BRCA2: variants seen among roughly 807,000 people sequenced by gnomAD.
BRCA2 encodes the protein breast cancer type 2 susceptibility protein.
BRCA2 carries 203 observed loss-of-function variants against 276.7 expected under a neutral mutation model. That is an observed-to-expected ratio of 0.73 (90% CI 0.65 to 0.82). The LOEUF is 0.82. Among genes scored for constraint, BRCA2 ranks in the 40% least tolerant of loss-of-function variants. The pLI, the probability that BRCA2 is intolerant of heterozygous loss-of-function variation, is 0.00. For synonymous variants in BRCA2, 1,289 were observed against 1,338.4 expected, an observed-to-expected ratio of 0.96 and a Z score of 0.81; for missense variants, 3,920 against 3,915.0, an observed-to-expected ratio of 1.00 and a Z score of -0.03.
At chr13:32,320,084 T>C (rs777448795) in intron 3 of BRCA2, among the ~76,000 whole-genome samples, 2 of 152,138 alleles carry the variant, frequency 1.3e-5, no homozygotes, top group Non-Finnish European at 2.9e-5. Flanking sequence ...TGAGGAAGAA[T>C]ATGTAGTGTG....
chr13:32,341,327 G>A, intron 11 of BRCA2, 131 bp downstream of exon 11: 1 of 1,296,970 alleles, frequency 7.7e-7, no homozygotes, highest in Non-Finnish European at 1.1e-6. Context: ...TAGTCAGTTT[G>A]GGGGAGTATG....
rs1309458963 is a variant in BRCA2, at chr13:32,377,178, A to G, written c.8754+387A>G. ...GTTTCTCAAGTCCTTCCTGGAGTGT[A>G]CTTGATAATCCTCTACCCTAAGGGT... On this transcript the variant is annotated intron_variant, in intron 21 of 26. Transcript: ENST00000380152. 2.6e-5 allele frequency among the ~76,000 whole-genome samples: 4 copies of G among 152,146 alleles called. No homozygotes were observed. The East Asian group carries it at 7.7e-4, about 29-fold the overall frequency.
At chr13:32,334,675 G>GA (rs751202199) in intron 10 of BRCA2, among the ~76,000 whole-genome samples, 153 of 118,396 alleles carry the variant, frequency 1.3e-3, no homozygotes, top group Non-Finnish European at 1.7e-3. Context: ...CCTTGTCCCT[G>GA]AAAAAAAAAA....
At position 32,336,283 on chromosome 13, in the gene BRCA2, TG is replaced by T. The variant is rs80359316; in HGVS notation, c.1929del (p.Arg645GlufsTer15). On this transcript the variant is annotated frameshift_variant, in exon 11 of 27. Transcript: ENST00000380152. LOFTEE classifies it high-confidence loss of function. ...NADSGLLHSS[V>X]KRSCSQNDSE... is the part of the protein sequence containing the mutation. ...TGTTTAGGTTTATTGCATTCTTCTG[TG>T]AAAAGAAGCTGTTCACAGAATGATT... 7.5e-6 allele frequency: 12 copies of T among 1,603,410 alleles called. No homozygotes were observed. The highest frequency in any genetic ancestry group is 1.0e-5 in the Non-Finnish European group (12 of 1,176,162).
chr13:32,365,253 T>C (rs1450942910), intron 18 of BRCA2, among the ~76,000 whole-genome samples: 1 of 151,654 alleles, frequency 6.6e-6, no homozygotes, highest in African/African-American at 2.4e-5. Flanking sequence ...CCTCACGCTT[T>C]AGCCTCCGAG....
In BRCA2 at chr13:32,339,616, A is replaced by T. The variant is rs772772727; in HGVS notation, c.5261A>T (p.Asp1754Val). The stretch of plus-strand genomic sequence containing the variant: ...TCTAACAGCTATTCCTACCATTCTG[A>T]TGAGGTATATAATGATTCAGGATAT... ...SMSNSYSYHS[D>V]EVYNDSGYLS... is the part of the protein sequence containing the mutation. Residue 1754 changes from aspartate (D) to valine (V), a missense_variant, in exon 11 of 27, where the codon GAT (aspartate) becomes GTT (valine). Coordinates refer to ENST00000380152, the MANE Select transcript of BRCA2 (RefSeq NM_000059.4). 1 of 1,611,630 alleles carries T rather than the reference A, an allele frequency of 6.2e-7. No individual in the cohort carries two copies. Among genetic ancestry groups the T allele is most frequent in the South Asian group, 1.1e-5 (1 of 90,828 alleles).
chr13:32,316,455 G>A lies in BRCA2; in HGVS notation c.-6G>A, dbSNP rs1304649255. 3.1e-6 allele frequency: 5 copies of A among 1,612,888 alleles called. No individual in the cohort carries two copies. The highest frequency in any genetic ancestry group is 4.2e-6 in the Non-Finnish European group (5 of 1,179,062). ...ACCAAGCATTGGAGGAATATCGTAG[G>A]TAAAAATGCCTATTGGATCCAAAGA... On this transcript the variant is annotated 5_prime_UTR_variant, in exon 2 of 27. Transcript: ENST00000380152.
intron 12 of BRCA2, 97 bp downstream of exon 12, chr13:32,344,750 G>T (rs2072599923): frequency 1.1e-6 from 1 of 870,464 alleles, no homozygotes; most frequent in Admixed American, 2.1e-5. Context: ...AAAGTGCTGG[G>T]ATTACAGACA....
rs759091996 is a variant in BRCA2, at chr13:32,333,436, T to C, written c.1909+49T>C. On this transcript the variant is annotated intron_variant, in intron 10 of 26. Coordinates refer to ENST00000380152, the MANE Select transcript of BRCA2 (RefSeq NM_000059.4). ...TAAATAGTACATATAGTTTTATAGA[T>C]GACGATTCCTTCTGTGTTTTTTTCT... The C allele has an allele frequency of 4.5e-6, 7 of 1,562,360 alleles. No individual in the cohort carries two copies. The South Asian group carries it at 5.9e-5, about 13-fold the overall frequency.
intron 13 of BRCA2, among the ~76,000 whole-genome samples, chr13:32,350,423 CA>C (rs1317951215): frequency 6.6e-6 from 1 of 151,958 alleles, no homozygotes. Flanking sequence ...CAAGAGAAAG[CA>C]AAAGTTGTAA....
At chr13:32,333,443 T>G in intron 10 of BRCA2, 56 bp downstream of exon 10, 1 of 1,550,250 alleles carries the variant, frequency 6.5e-7, no homozygotes, top group Non-Finnish European at 8.8e-7. Flanking sequence ...AGATGACGAT[T>G]CCTTCTGTGT....
At position 32,366,836 on chromosome 13, in the gene BRCA2, ATATGCT is replaced by A. The variant is rs372498729; in HGVS notation, c.8331+3307_8331+3312del. On this transcript the variant is annotated intron_variant, in intron 18 of 26. Coordinates refer to ENST00000380152, the MANE Select transcript of BRCA2 (RefSeq NM_000059.4). ...GACCCTGTCTCAAAGAAAAAAAAAA[ATATGCT>A]TATTGGTTTCATCTATCAAAAAGAA... Among the ~76,000 whole-genome samples, 7 of 150,828 alleles carry A rather than the reference ATATGCT, an allele frequency of 4.6e-5. No individual in the cohort carries two copies. In the East Asian group the frequency reaches 1.4e-3, roughly 30 times the overall value.
At chr13:32,356,317 G>T (rs539985338) in intron 14 of BRCA2, 111 bp from the exon 15 acceptor site, 7 of 1,072,704 alleles carry the variant, frequency 6.5e-6, no homozygotes, top group East Asian at 2.5e-5. Flanking sequence ...TGATCTGCCC[G>T]CCTCAGCCTC....
chr13:32,363,157 G>A (rs2137579429), intron 17 of BRCA2, 22 bp from the exon 18 acceptor site: 1 of 1,586,094 alleles, frequency 6.3e-7, no homozygotes. Context: ...CCTAAAATAT[G>A]CATTTTTGTT....
rs900871740 is a variant in BRCA2, at chr13:32,370,999, A to G, written c.8531A>G (p.Glu2844Gly). 6.2e-7 allele frequency: 1 copy of G among 1,614,080 alleles called. No individual in the cohort carries two copies. Among genetic ancestry groups the G allele is most frequent in the African/African-American group, 1.3e-5 (1 of 74,936 alleles). ...TSSGLYIFRNEREEEKEAAKY... is the reference protein window; with the variant it reads ...TSSGLYIFRNGREEEKEAAKY... ...TCTGGATTATACATATTTCGCAATGAAAGAGAGGAAGAAAAGGAAGCAGCA... is the reference window on the plus strand; with the variant it reads ...TCTGGATTATACATATTTCGCAATGGAAGAGAGGAAGAAAAGGAAGCAGCA... The change falls in exon 20 of 27, where the codon GAA (glutamate) becomes GGA (glycine). Residue 2844 changes from glutamate (E) to glycine (G), a missense_variant. Physicochemically the swap from Glu to Gly is moderately conservative, Grantham distance 98 (BLOSUM62 -2). Around this residue, in one of 2 missense-constraint regions of BRCA2, gnomAD observed 657 missense variants for 758.2 expected, o/e 0.87. Transcript: ENST00000380152.
chr13:32,351,707 TTAAAG>T (rs2072652493), intron 13 of BRCA2, among the ~76,000 whole-genome samples: 1 of 152,304 alleles, frequency 6.6e-6, no homozygotes, highest in East Asian at 1.9e-4. Context: ...CTAAAACTGT[TTAAAG>T]TAGTTGCAAA....
In BRCA2 at chr13:32,339,188, G is replaced by A. The variant is rs1057521872; in HGVS notation, c.4833G>A (p.Val1611=). Reference sequence around the variant, plus strand: ...ACCTTGTTTCTATTGAGACTGTGGTGCCACCTAAGCTCTTAAGTGATAATT... The same window carrying A: ...ACCTTGTTTCTATTGAGACTGTGGTACCACCTAAGCTCTTAAGTGATAATT... ...DKNLVSIETV[V]PPKLLSDNLC... is the part of the protein sequence containing the mutation. The change falls in exon 11 of 27, where the codon GTG becomes GTA. Residue 1611 remains valine, a synonymous_variant. Coordinates refer to ENST00000380152, the MANE Select transcript of BRCA2 (RefSeq NM_000059.4). 1.2e-6 allele frequency: 2 copies of A among 1,613,350 alleles called. No individual in the cohort carries two copies. Among genetic ancestry groups the A allele is most frequent in the Admixed American group, 1.7e-5 (1 of 60,008 alleles).
intron 10 of BRCA2, among the ~76,000 whole-genome samples, chr13:32,335,611 A>G (rs1478302018): frequency 1.3e-5 from 2 of 152,132 alleles, no homozygotes; most frequent in South Asian, 2.1e-4. Context: ...TGTTCACACC[A>G]GTATTAACAG....
rs78568307 is a variant in BRCA2 at position 32,396,326 on chromosome 13, T to A, written c.9502-572T>A. Among the ~76,000 whole-genome samples, 7 of 152,290 alleles carry A rather than the reference T, an allele frequency of 4.6e-5. No individual in the cohort carries two copies. The East Asian group carries it at 1.2e-3, about 25-fold the overall frequency. On this transcript the variant is annotated intron_variant, in intron 25 of 26. Transcript: ENST00000380152. Reference sequence around the variant, plus strand: ...TTACTAATCCTGCTGAAGAGACAACTGTCATTTACACAGCATTTTAAAGTT... The same window carrying A: ...TTACTAATCCTGCTGAAGAGACAACAGTCATTTACACAGCATTTTAAAGTT...
Sources: allele counts gnomAD v4.1 joint callset (sites outside exome capture counted in the v4.1 genomes callset), GRCh38; gene constraint gnomAD v4.1.1; regional missense constraint gnomAD v4.1.1; transcripts MANE v1.5; gene names NCBI Gene and HGNC (gene_info 2026-07-23, HGNC 2026-07-21).